ANK1: variants seen among roughly 807,000 people sequenced by gnomAD.
ANK1 encodes ankyrin-1.
In ANK1, 51 loss-of-function variants were observed where a neutral mutation model predicts 210.4. That is an observed-to-expected ratio of 0.24 (90% CI 0.19 to 0.31). The LOEUF (loss-of-function observed/expected upper bound fraction) is 0.31. ANK1 is among the 10% of genes least tolerant of loss of function. The pLI, the probability that ANK1 is intolerant of heterozygous loss-of-function variation, is 1.00. For synonymous variants in ANK1, 967 were observed against 1,025.9 expected, an observed-to-expected ratio of 0.94 and a Z score of 1.10; for missense variants, 2,051 against 2,504.4, an observed-to-expected ratio of 0.82 and a Z score of 3.86.
At chr8:41,807,468 C>T (rs1348639920) in intron 1 of ANK1, among the ~76,000 whole-genome samples, 4 of 152,194 alleles carry the variant, frequency 2.6e-5, no homozygotes, top group Admixed American at 2.0e-4. Context: ...CCCTGTCTGT[C>T]GTGGCCCTTT....
At chr8:41,887,915 G>A (rs903048988) in intron 1 of ANK1, among the ~76,000 whole-genome samples, 6 of 152,246 alleles carry the variant, frequency 3.9e-5, no homozygotes, top group African/African-American at 1.2e-4. Context: ...CCTGCTCCCT[G>A]AGCCCACCTC....
rs960516693 is a variant in ANK1 at position 41,689,532 on chromosome 8, T to C, written c.4104+695A>G. 4.6e-5 allele frequency among the ~76,000 whole-genome samples: 7 copies of C among 152,218 alleles called. No homozygotes were observed. In the East Asian group the frequency reaches 1.2e-3, roughly 25 times the overall value. Reference sequence around the variant, plus strand: ...TATGAATGTAACCTTGCTTCTTTCCTAGTTTAGCATGGAAGGCTAATGATT... The same window carrying C: ...TATGAATGTAACCTTGCTTCTTTCCCAGTTTAGCATGGAAGGCTAATGATT... On this transcript the variant is annotated intron_variant, in intron 33 of 42. Transcript: ENST00000289734.
At chr8:41,819,108 C>T (rs531077305) in intron 1 of ANK1, among the ~76,000 whole-genome samples, 4 of 152,338 alleles carry the variant, frequency 2.6e-5, no homozygotes, top group Admixed American at 2.6e-4. Flanking sequence ...TTGCATTCAA[C>T]TGTAAAAACA....
chr8:41,785,016 C>T (rs1243045509), intron 1 of ANK1, among the ~76,000 whole-genome samples: 1 of 152,122 alleles, frequency 6.6e-6, no homozygotes, highest in Admixed American at 6.5e-5. Context: ...TGCCAGCCCT[C>T]GAGCCCCGGC....
intron 1 of ANK1, among the ~76,000 whole-genome samples, chr8:41,853,788 T>C (rs1811684117): frequency 1.3e-5 from 2 of 152,110 alleles, no homozygotes; most frequent in South Asian, 4.1e-4. Context: ...AGAAACAGGG[T>C]CTCGTTCTGT....
At chr8:41,793,443 G>A (rs1398974848) in intron 1 of ANK1, among the ~76,000 whole-genome samples, 1 of 152,158 alleles carries the variant, frequency 6.6e-6, no homozygotes, top group Non-Finnish European at 1.5e-5. Context: ...AGGCATCTCA[G>A]GAAGGAGTCT....
At chr8:41,702,336 CAG>C (rs767936993) in intron 20 of ANK1, among the ~76,000 whole-genome samples, 192 bp from the exon 21 acceptor site, 13 of 152,172 alleles carry the variant, frequency 8.5e-5, no homozygotes, top group African/African-American at 2.9e-4. Context: ...GCAGCACCCA[CAG>C]AGACGGGTGT....
intron 1 of ANK1, among the ~76,000 whole-genome samples, chr8:41,893,573 C>T (rs1363534351): frequency 6.6e-6 from 1 of 152,222 alleles, no homozygotes; most frequent in Non-Finnish European, 1.5e-5. Context: ...AAGTTACAAC[C>T]ATGGTTATTT....
intron 42 of ANK1, chr8:41,661,070 C>G: frequency 3.2e-6 from 1 of 309,458 alleles, no homozygotes; most frequent in Non-Finnish European, 6.2e-6. Context: ...GTGATGGGGT[C>G]TTGCTCTGTT....
intron 16 of ANK1, among the ~76,000 whole-genome samples, chr8:41,711,886 G>T (rs1466406536): frequency 6.6e-6 from 1 of 151,902 alleles, no homozygotes; most frequent in African/African-American, 2.4e-5. Context: ...ATGGAGTTTG[G>T]TTTTTCCATT....
intron 1 of ANK1, among the ~76,000 whole-genome samples, chr8:41,848,899 G>A (rs1387140649): frequency 1.3e-5 from 2 of 152,146 alleles, no homozygotes; most frequent in African/African-American, 4.8e-5. Flanking sequence ...TGCTTCAGGG[G>A]CCCTGGGCCA....
chr8:41,661,215 T>G, intron 42 of ANK1: 1 of 667,942 alleles, frequency 1.5e-6, no homozygotes, highest in Non-Finnish European at 2.5e-6. Context: ...CCCTGATAAG[T>G]GGATATTATT....
At chr8:41,717,104 G>A (rs771378469) in intron 12 of ANK1, 53 bp from the exon 13 acceptor site, 6 of 1,589,802 alleles carry the variant, frequency 3.8e-6, no homozygotes, top group Middle Eastern at 1.7e-4. Context: ...TGTCCAAAAC[G>A]GCACACACAG....
intron 16 of ANK1, among the ~76,000 whole-genome samples, chr8:41,712,614 C>T (rs1586350163): frequency 6.6e-6 from 1 of 152,288 alleles, no homozygotes; most frequent in East Asian, 1.9e-4. Context: ...ATGAGCTCAT[C>T]CTAAGGAATG....
At chr8:41,696,632 G>A (rs372441442) in intron 25 of ANK1, 44 bp downstream of exon 25, 310 of 1,610,236 alleles carry the variant, frequency 1.9e-4, no homozygotes, top group Non-Finnish European at 2.4e-4. Context: ...ATCCCCTCTC[G>A]GAGATGGAGA....
chr8:41,657,812 G>C (rs1340186844), intron 42 of ANK1, among the ~76,000 whole-genome samples: 1 of 152,232 alleles, frequency 6.6e-6, no homozygotes, highest in Non-Finnish European at 1.5e-5. Context: ...CAGGACTCCT[G>C]CATTGTTCTG....
At chr8:41,682,607 C>T (rs947547241) in intron 37 of ANK1, among the ~76,000 whole-genome samples, 3 of 152,232 alleles carry the variant, frequency 2.0e-5, no homozygotes, top group Admixed American at 6.5e-5. Flanking sequence ...AGGCCCAGTC[C>T]CACACAGGAA....
In ANK1 at chr8:41,839,873, C is replaced by T. The variant is rs79315055; in HGVS notation, c.126+56482G>A. On this transcript the variant is annotated intron_variant, in intron 1 of 42. Coordinates refer to the ANK1 transcript ENST00000265709. ...TAAGGAAATCCGAATAATGTATGGA[C>T]GTCTAGTTAATAAAACTGTATCAAC... is the stretch of plus-strand genomic sequence containing the variant. Among the ~76,000 whole-genome samples, 680 of 152,190 alleles carry T rather than the reference C, an allele frequency of 4.5e-3. 4 individuals carry two copies. The highest frequency in any genetic ancestry group is 0.028 in the East Asian group (146 of 5,178).
At chr8:41,885,252 G>A (rs1818271421) in intron 1 of ANK1, among the ~76,000 whole-genome samples, 1 of 152,146 alleles carries the variant, frequency 6.6e-6, no homozygotes, top group Non-Finnish European at 1.5e-5. Flanking sequence ...TTTTCCGTCT[G>A]TGTCTTGTAA....
Sources: gnomAD v4.1 joint callset for allele counts (sites outside exome capture counted in the v4.1 genomes callset) on GRCh38, gnomAD v4.1.1 for gene constraint, MANE v1.5 for transcripts, NCBI Gene and HGNC (gene_info 2026-07-23, HGNC 2026-07-21) for gene names.